Variants in CUEDC1 observed in about 807,000 individuals in gnomAD.
CUEDC1 encodes the protein CUE domain-containing protein 1.
Under a neutral mutation model 43.7 loss-of-function variants are expected in CUEDC1, and 30 were observed. The observed-to-expected ratio is 0.69, with a 90% CI of 0.51 to 0.93. The LOEUF is 0.93. Among genes scored for constraint, CUEDC1 ranks in the 40% least tolerant of loss-of-function variants. The pLI, the probability that CUEDC1 is intolerant of heterozygous loss-of-function variation, is 0.00. For missense variants in CUEDC1, 486 were observed against 549.0 expected (o/e 0.89, Z 1.15); for synonymous variants, 223 against 223.6 (o/e 1.00, Z 0.02).
At chr17:57,889,466 C>T (rs752561535) in intron 1 of CUEDC1, among the ~76,000 whole-genome samples, 17 of 152,324 alleles carry the variant, frequency 1.1e-4, no homozygotes, top group African/African-American at 2.9e-4. Flanking sequence ...CTCAAGCAGC[C>T]GCTTCCATTT....
At position 57,930,592 on chromosome 17, in the gene CUEDC1, T is replaced by A. The variant is rs2074794496; in HGVS notation, c.-316+24633A>T. Among the ~76,000 whole-genome samples, 1 of 152,230 alleles carries A rather than the reference T, an allele frequency of 6.6e-6. No individual in the cohort carries two copies. The highest frequency in any genetic ancestry group is 2.1e-4 in the South Asian group (1 of 4,834). On this transcript the variant is annotated intron_variant, in intron 1 of 10. Coordinates refer to ENST00000577830, the MANE Select transcript of CUEDC1 (RefSeq NM_001271875.2). This position sits in a 1 kb window ranked among gnomAD's most constrained non-coding sequence, Gnocchi z 4.2. ...GAGAAAACTGTGCCCACTTCTTTGG[T>A]TCTGCTCAAGCCAGACTGAAGCTGG...
chr17:57,892,183 C>T (rs1373072), intron 1 of CUEDC1, among the ~76,000 whole-genome samples: 10,406 of 152,244 alleles, frequency 0.068, 1,182 homozygotes, highest in African/African-American at 0.24. Flanking sequence ...CTCCTCACAA[C>T]AAACCTAGAA....
intron 1 of CUEDC1, among the ~76,000 whole-genome samples, chr17:57,905,004 C>G (rs570893433): frequency 1.3e-5 from 2 of 152,142 alleles, no homozygotes; most frequent in Admixed American, 6.5e-5. Flanking sequence ...ATACAGTTTA[C>G]GGATTTTCCA....
At chr17:57,929,250 C>T (rs2074779893) in intron 1 of CUEDC1, among the ~76,000 whole-genome samples, 1 of 152,132 alleles carries the variant, frequency 6.6e-6, no homozygotes, top group Non-Finnish European at 1.5e-5. Flanking sequence ...TCACCCCTGC[C>T]CTATGAGGCA....
intron 1 of CUEDC1, among the ~76,000 whole-genome samples, chr17:57,945,745 C>A (rs927685095): frequency 7.9e-5 from 12 of 152,212 alleles, no homozygotes; most frequent in African/African-American, 4.8e-5. Flanking sequence ...TTTGGCCGGG[C>A]GTGGTGGCTC....
chr17:57,927,923 T>C (rs761853693), intron 1 of CUEDC1, among the ~76,000 whole-genome samples: 10 of 152,204 alleles, frequency 6.6e-5, no homozygotes, highest in Non-Finnish European at 1.3e-4. Context: ...TTAGAGAGAC[T>C]AAATAGCTGT....
At chr17:57,916,220 G>A (rs570794081) in intron 1 of CUEDC1, among the ~76,000 whole-genome samples, 5 of 152,230 alleles carry the variant, frequency 3.3e-5, no homozygotes, top group East Asian at 1.9e-4. Flanking sequence ...GCAGAAGGCC[G>A]AGGGGGGCTG....
In CUEDC1 at chr17:57,928,627, ATCT is replaced by A. The variant is rs1345745331; in HGVS notation, c.-316+26595_-316+26597del. Among the ~76,000 whole-genome samples, 5 of 151,796 alleles carry A rather than the reference ATCT, an allele frequency of 3.3e-5. No homozygotes were observed. In the East Asian group the frequency reaches 5.8e-4, roughly 18 times the overall value. On this transcript the variant is annotated intron_variant, in intron 1 of 10. Coordinates refer to ENST00000577830, the MANE Select transcript of CUEDC1 (RefSeq NM_001271875.2). ...TTGTGAAGTACATTCTAGAACACAGATCTTCCGATTTGAGTCCTCTACGTTTTC... is the reference window on the plus strand; with the variant it reads ...TTGTGAAGTACATTCTAGAACACAGATCCGATTTGAGTCCTCTACGTTTTC...
At position 57,940,253 on chromosome 17, in the gene CUEDC1, T is replaced by TA. The variant is rs57921791; in HGVS notation, c.-316+14971dup. Reference sequence around the variant, plus strand: ...CAGGTATTCCATTTCTGTCAGTGTTTAAAAAAAAAAAAAAAAATGGTGGCA... The same window carrying TA: ...CAGGTATTCCATTTCTGTCAGTGTTTAAAAAAAAAAAAAAAAAATGGTGGCA... On this transcript the variant is annotated intron_variant, in intron 1 of 10. Transcript: ENST00000577830. Among the ~76,000 whole-genome samples, 509 of 139,184 alleles carry TA rather than the reference T, an allele frequency of 3.7e-3. 1 individual carries two copies. Among genetic ancestry groups the TA allele is most frequent in the African/African-American group, 8.2e-3 (316 of 38,392 alleles). 91.3% of individuals were successfully genotyped at this position (139,184 alleles called of 152,430 possible). A position where few individuals can be genotyped will look rare whatever the true frequency, so the allele number is the denominator to read the frequency against.
At position 57,954,471 on chromosome 17, in the gene CUEDC1, C is replaced by T. The variant is rs912784775; in HGVS notation, c.-316+754G>A. On this transcript the variant is annotated intron_variant, in intron 1 of 10. Coordinates refer to ENST00000577830, the MANE Select transcript of CUEDC1 (RefSeq NM_001271875.2). This position sits in a 1 kb window ranked among gnomAD's most constrained non-coding sequence, Gnocchi z 4.3. ...GGGAAAAGAAATGGGCAGGGCAGTG[C>T]TGGGTGTAAGGCGACCACGCGACCG... 2.6e-5 allele frequency among the ~76,000 whole-genome samples: 4 copies of T among 152,042 alleles called. No homozygotes were observed. Among genetic ancestry groups the T allele is most frequent in the East Asian group, 1.9e-4 (1 of 5,180 alleles).
At chr17:57,864,972 G>A (rs1277238898) in intron 10 of CUEDC1, among the ~76,000 whole-genome samples, 1 of 152,178 alleles carries the variant, frequency 6.6e-6, no homozygotes, top group South Asian at 2.1e-4. Flanking sequence ...CAGGAGAATC[G>A]CTTGAACCTG....
chr17:57,887,023 A>C (rs1380957897), intron 1 of CUEDC1, among the ~76,000 whole-genome samples: 4 of 151,826 alleles, frequency 2.6e-5, no homozygotes, highest in Non-Finnish European at 4.4e-5. Flanking sequence ...GGGTTTCACC[A>C]TGTTAGCCAG....
intron 1 of CUEDC1, among the ~76,000 whole-genome samples, chr17:57,926,784 C>T (rs1360836661): frequency 3.9e-5 from 6 of 151,948 alleles, no homozygotes; most frequent in African/African-American, 1.2e-4. Flanking sequence ...ATAACCACAT[C>T]GTTTTTCTTT....
At chr17:57,866,565 G>A (rs377231705) in intron 9 of CUEDC1, 21 bp from the exon 10 acceptor site, 2 of 1,613,830 alleles carry the variant, frequency 1.2e-6, no homozygotes, top group Non-Finnish European at 1.7e-6. Context: ...GAGGGAAGCT[G>A]CCTCATCCTC....
At position 57,933,284 on chromosome 17, in the gene CUEDC1, T is replaced by C. The variant is rs1049237719; in HGVS notation, c.-316+21941A>G. ...CTAAGATTCTACAAGTAAACAACAA[T>C]GTCTGTAACTTTATATAGCCTTGAT... On this transcript the variant is annotated intron_variant, in intron 1 of 10. Coordinates refer to ENST00000577830, the MANE Select transcript of CUEDC1 (RefSeq NM_001271875.2). Among the ~76,000 whole-genome samples the C allele has an allele frequency of 7.9e-5, 12 of 152,318 alleles. 1 individual carries two copies. The South Asian group carries it at 2.3e-3, about 29-fold the overall frequency.
In CUEDC1 at chr17:57,937,764, G is replaced by A. The variant is rs533005624; in HGVS notation, c.-316+17461C>T. ...TACAAATAATTTTTAAAATTAGTCA[G>A]GCATGGTGGTGAGTGCCTGTAGTCC... On this transcript the variant is annotated intron_variant, in intron 1 of 10. Coordinates refer to ENST00000577830, the MANE Select transcript of CUEDC1 (RefSeq NM_001271875.2). Among the ~76,000 whole-genome samples, 8 of 152,108 alleles carry A rather than the reference G, an allele frequency of 5.3e-5. No individual in the cohort carries two copies. The East Asian group carries it at 1.5e-3, about 29-fold the overall frequency.
At chr17:57,911,192 C>A (rs1003786813) in intron 1 of CUEDC1, among the ~76,000 whole-genome samples, 1 of 152,180 alleles carries the variant, frequency 6.6e-6, no homozygotes. Context: ...GGGTGAGGTC[C>A]AAGAATCTGC....
chr17:57,948,971 A>G (rs2074981204), intron 1 of CUEDC1, among the ~76,000 whole-genome samples: 1 of 152,188 alleles, frequency 6.6e-6, no homozygotes, highest in Non-Finnish European at 1.5e-5. Flanking sequence ...GGCATCAGGA[A>G]AGCTGACCAC....
At chr17:57,894,497 C>G (rs2074389174) in intron 1 of CUEDC1, among the ~76,000 whole-genome samples, 1 of 151,882 alleles carries the variant, frequency 6.6e-6, no homozygotes, top group African/African-American at 2.4e-5. Flanking sequence ...ATGGTAAAAC[C>G]CTGTCTCTAC....
Sources: gnomAD v4.1 joint callset for allele counts (sites outside exome capture counted in the v4.1 genomes callset) on GRCh38, gnomAD v4.1.1 for gene constraint, Gnocchi (gnomAD v3.1) non-coding constraint, MANE v1.5 for transcripts, NCBI Gene and HGNC (gene_info 2026-07-23, HGNC 2026-07-21) for gene names.